MAGI1: variants seen among roughly 807,000 people sequenced by gnomAD.
MAGI1 encodes the protein membrane-associated guanylate kinase, WW and PDZ domain-containing protein 1.
MAGI1 carries 58 observed loss-of-function variants against 139.9 expected under a neutral mutation model. That is an observed-to-expected ratio of 0.41 (90% CI 0.34 to 0.52). The LOEUF is 0.52. MAGI1 is among the 20% of genes least tolerant of loss of function. The probability of loss-of-function intolerance (pLI) is 0.12; values close to 1 mark genes in which losing one functional copy is unlikely to be tolerated. For missense variants in MAGI1, 1,874 were observed against 1,901.6 expected (o/e 0.99, Z 0.27); for synonymous variants, 812 against 737.9 (o/e 1.10, Z -1.63).
Position 65,795,193 on chromosome 3 carries a change from C to T in MAGI1, c.314-173105G>A, listed in dbSNP as rs184902906. ...ATGTTCAAACACACAAAAACATTTG[C>T]ATATTTCATACACTATGAACATGTG... On this transcript the variant is annotated intron_variant, in intron 1 of 22. Transcript: ENST00000402939. Among the ~76,000 whole-genome samples the T allele has an allele frequency of 4.6e-3, 700 of 152,280 alleles. 3 individuals carry two copies. The highest frequency in any genetic ancestry group is 5.6e-3 in the Non-Finnish European group (381 of 68,036).
Position 65,357,013 on chromosome 3 carries a change from T to G in MAGI1, c.3754A>C (p.Lys1252Gln), listed in dbSNP as rs761051639. 1 of 1,614,202 alleles carries G rather than the reference T, an allele frequency of 6.2e-7. No individual in the cohort carries two copies. The highest frequency in any genetic ancestry group is 8.5e-7 in the Non-Finnish European group (1 of 1,180,032). The part of the protein sequence containing the change: ...LESSYPPDLH[K>Q]SSPHGEKRAH... ...CGCTTTTCCCCATGTGGTGATGATT[T>G]GTGAAGATCGGGTGGGTAACTGGAC... The change falls in exon 23 of 23, where the codon AAA (lysine) becomes CAA (glutamine). Residue 1252 changes from lysine (K) to glutamine (Q), a missense_variant. Physicochemically the swap from Lys to Gln is moderately conservative, Grantham distance 53. Around this residue, in one of 5 missense-constraint regions of MAGI1, gnomAD observed 653 missense variants for 644.5 expected, o/e 1.01. Transcript: ENST00000402939.
chr3:65,537,949 C>T (rs2107886872), intron 2 of MAGI1, among the ~76,000 whole-genome samples: 1 of 152,142 alleles, frequency 6.6e-6, no homozygotes, highest in Non-Finnish European at 1.5e-5. Flanking sequence ...GAAACCTCGT[C>T]TCTACTAAAA....
chr3:65,931,636 C>T (rs887438174), intron 1 of MAGI1, among the ~76,000 whole-genome samples: 2 of 152,162 alleles, frequency 1.3e-5, no homozygotes, highest in Non-Finnish European at 2.9e-5. Flanking sequence ...TGCACTCTAG[C>T]CCAGGTGACA....
At chr3:65,957,364 AAAAAAAT>A (rs2064175751) in intron 1 of MAGI1, among the ~76,000 whole-genome samples, 1 of 150,856 alleles carries the variant, frequency 6.6e-6, no homozygotes, top group African/African-American at 2.4e-5. Context: ...AAAAAAAAAA[AAAAAAAT>A]TTAGCTGAGG....
At chr3:65,846,046 A>C in intron 1 of MAGI1, among the ~76,000 whole-genome samples, 1 of 152,180 alleles carries the variant, frequency 6.6e-6, no homozygotes, top group East Asian at 1.9e-4. Flanking sequence ...TAACAATGCC[A>C]CTTGTTACTT....
chr3:65,684,202 A>T (rs1479495118), intron 1 of MAGI1, among the ~76,000 whole-genome samples: 1 of 150,408 alleles, frequency 6.6e-6, no homozygotes, highest in Non-Finnish European at 1.5e-5. Flanking sequence ...GAAAAGAAAA[A>T]CTAAATATTC....
intron 1 of MAGI1, among the ~76,000 whole-genome samples, chr3:65,849,868 T>C (rs2059146211): frequency 6.6e-6 from 1 of 152,186 alleles, no homozygotes; most frequent in Non-Finnish European, 1.5e-5. Flanking sequence ...TTTGGGAATC[T>C]ACAGAAATTT....
At chr3:65,627,097 G>GT (rs2084009523) in intron 1 of MAGI1, among the ~76,000 whole-genome samples, 1 of 152,108 alleles carries the variant, frequency 6.6e-6, no homozygotes, top group East Asian at 1.9e-4. Flanking sequence ...TTACAACGCC[G>GT]TATTTTTTCT....
chr3:65,923,370 C>A (rs921024076), intron 1 of MAGI1, among the ~76,000 whole-genome samples: 1 of 151,808 alleles, frequency 6.6e-6, no homozygotes, highest in Non-Finnish European at 1.5e-5. Flanking sequence ...GGACTACAGG[C>A]GCGCACCACC....
chr3:65,388,772 C>T (rs1943652691), intron 14 of MAGI1, among the ~76,000 whole-genome samples: 1 of 150,892 alleles, frequency 6.6e-6, no homozygotes, highest in African/African-American at 2.4e-5. Flanking sequence ...CTCATTTGTG[C>T]TGCTCTATCC....
At chr3:65,753,395 G>A (rs1042590939) in intron 1 of MAGI1, among the ~76,000 whole-genome samples, 1 of 152,136 alleles carries the variant, frequency 6.6e-6, no homozygotes, top group South Asian at 2.1e-4. Context: ...CCTATGAACT[G>A]AGTATGGTTA....
intron 2 of MAGI1, among the ~76,000 whole-genome samples, chr3:65,508,103 A>G (rs548103812): frequency 5.9e-5 from 9 of 152,290 alleles, no homozygotes; most frequent in African/African-American, 2.2e-4. Flanking sequence ...GTAGTGGCCA[A>G]TTTTTAAAAA....
rs529190855 is a variant in MAGI1 at position 65,869,926 on chromosome 3, AGCGTTCAGTGCATCTCTCCT to A, written c.313+168050_313+168069del. Among the ~76,000 whole-genome samples the A allele has an allele frequency of 1.8e-3, 269 of 152,320 alleles. 1 individual carries two copies. Among genetic ancestry groups the A allele is most frequent in the African/African-American group, 5.9e-3 (244 of 41,576 alleles). On this transcript the variant is annotated intron_variant, in intron 1 of 22. Transcript: ENST00000402939. ...CGTGGCCCAGTGCTGGCACGCAGTA[AGCGTTCAGTGCATCTCTCCT>A]ATTCTTTACCCTAGAAATCGAAATC...
Position 65,868,994 on chromosome 3 carries a change from G to A in MAGI1, c.313+169002C>T, listed in dbSNP as rs565776837. 4.6e-5 allele frequency among the ~76,000 whole-genome samples: 7 copies of A among 152,008 alleles called. No individual in the cohort carries two copies. In the South Asian group the frequency reaches 8.3e-4, roughly 18 times the overall value. ...ACATACCTCATAATTACTGCCGGGC[G>A]CGGTGGCTCACGCTTGTAATCCCAG... is the stretch of plus-strand genomic sequence containing the variant. On this transcript the variant is annotated intron_variant, in intron 1 of 22. Coordinates refer to ENST00000402939, the MANE Select transcript of MAGI1 (RefSeq NM_001033057.2).
chr3:65,710,276 T>TC (rs1207680653), intron 1 of MAGI1, among the ~76,000 whole-genome samples: 1 of 137,838 alleles, frequency 7.3e-6, no homozygotes, highest in Non-Finnish European at 1.6e-5. Flanking sequence ...TTTCTTTTTT[T>TC]TTTTTTTTTT....
chr3:65,913,387 C>A (rs979342304), intron 1 of MAGI1, among the ~76,000 whole-genome samples: 5 of 152,128 alleles, frequency 3.3e-5, no homozygotes, highest in Non-Finnish European at 7.3e-5. Context: ...CCTCCCCAAC[C>A]CCCCCAAAAA....
chr3:65,666,175 G>A (rs2086507907), intron 1 of MAGI1, among the ~76,000 whole-genome samples: 1 of 152,122 alleles, frequency 6.6e-6, no homozygotes, highest in Non-Finnish European at 1.5e-5. Context: ...TCAACTCCCT[G>A]TTACTCTCGG....
In MAGI1 at chr3:65,542,148, A is replaced by T. The variant is rs140674830; in HGVS notation, c.431-48517T>A. ...AATAATAGACAAAGAGAGCCAAATA[A>T]TGAGTGAACTCCCATTCACAATTGC... On this transcript the variant is annotated intron_variant, in intron 2 of 22. Transcript: ENST00000402939. 2.5e-4 allele frequency among the ~76,000 whole-genome samples: 38 copies of T among 152,308 alleles called. No homozygotes were observed. The East Asian group carries it at 7.3e-3, about 29-fold the overall frequency.
At chr3:65,915,554 C>T (rs1036924262) in intron 1 of MAGI1, among the ~76,000 whole-genome samples, 2 of 152,120 alleles carry the variant, frequency 1.3e-5, no homozygotes, top group Non-Finnish European at 2.9e-5. Flanking sequence ...CCTGAAGAGA[C>T]TGGACTGGGA....
Sources: allele counts gnomAD v4.1 joint callset (sites outside exome capture counted in the v4.1 genomes callset), GRCh38; gene constraint gnomAD v4.1.1; regional missense constraint gnomAD v4.1.1; transcripts MANE v1.5; gene names NCBI Gene and HGNC (gene_info 2026-07-23, HGNC 2026-07-21).